The following TSNAX variants were observed in gnomAD, a reference collection of about 807,000 sequenced individuals.
TSNAX encodes translin associated factor X.
Under a neutral mutation model 33.0 loss-of-function variants are expected in TSNAX, and 12 were observed. The ratio of observed to expected loss-of-function variants is 0.36; its 90% CI spans 0.23 to 0.59. The LOEUF (loss-of-function observed/expected upper bound fraction) is 0.59, where lower values mean the gene tolerates loss of function less well. TSNAX is among the 20% of genes least tolerant of loss of function. The pLI, the probability that TSNAX is intolerant of heterozygous loss-of-function variation, is 0.74. For synonymous variants in TSNAX, 110 were observed against 117.2 expected (o/e 0.94, Z 0.40); for missense variants, 267 against 341.3 (o/e 0.78, Z 1.72).
At chr1:231,538,931 CAAA>C (rs548749042) in intron 3 of TSNAX, among the ~76,000 whole-genome samples, 5 of 62,188 alleles carry the variant, frequency 8.0e-5, no homozygotes, top group Admixed American at 3.7e-4. Flanking sequence ...GACCCTGTCT[CAAA>C]AAAAAAAAAA....
chr1:231,532,197 T>G (rs1209831623), intron 2 of TSNAX, among the ~76,000 whole-genome samples: 37 of 87,602 alleles, frequency 4.2e-4, no homozygotes, highest in Non-Finnish European at 6.5e-4. Context: ...GTTTTGGTTT[T>G]TTTTTTTTTT....
At chr1:231,546,594 T>C (rs562377131) in intron 4 of TSNAX, among the ~76,000 whole-genome samples, 1 of 152,326 alleles carries the variant, frequency 6.6e-6, no homozygotes, top group East Asian at 1.9e-4. Flanking sequence ...TGAATTTATC[T>C]GTTAATGAGT....
chr1:231,537,365 C>G (rs1244069929), intron 3 of TSNAX, 38 bp downstream of exon 3: 2 of 1,318,422 alleles, frequency 1.5e-6, no homozygotes, highest in South Asian at 1.2e-5. Flanking sequence ...CAGTTTGATA[C>G]TAGCTATTAG....
At chr1:231,556,955 T>C (rs1340428660) in intron 4 of TSNAX, among the ~76,000 whole-genome samples, 1 of 145,864 alleles carries the variant, frequency 6.9e-6, no homozygotes, top group East Asian at 2.0e-4. Context: ...GGAAGCTATT[T>C]GGGCTTTAAA....
At chr1:231,535,706 G>A (rs1476542811) in intron 2 of TSNAX, 1 of 152,172 alleles carries the variant, frequency 6.6e-6, no homozygotes, top group Non-Finnish European at 1.5e-5. Flanking sequence ...TCGAATACAG[G>A]TAAGGAGAAA....
rs556440716 is a variant in TSNAX, at chr1:231,562,225, T to A, written c.495+970T>A. On this transcript the variant is annotated intron_variant, in intron 5 of 5. Transcript: ENST00000366639. The stretch of plus-strand genomic sequence containing the variant: ...CTAAATATTAAATATTTAATTATTT[T>A]AAAAATTTTCTTTATTTTTTCTTTT... Among the ~76,000 whole-genome samples, 216 of 149,208 alleles carry A rather than the reference T, an allele frequency of 1.4e-3. 1 individual carries two copies. Among genetic ancestry groups the A allele is most frequent in the African/African-American group, 4.2e-3 (172 of 41,130 alleles).
At chr1:231,560,543 T>C (rs570942391) in intron 4 of TSNAX, among the ~76,000 whole-genome samples, 2 of 150,014 alleles carry the variant, frequency 1.3e-5, no homozygotes, top group South Asian at 4.3e-4. Flanking sequence ...GCCTCCCGAG[T>C]AGCTGGGATT....
chr1:231,549,949 A>G (rs770048708), intron 4 of TSNAX, among the ~76,000 whole-genome samples: 28 of 152,110 alleles, frequency 1.8e-4, no homozygotes, highest in Non-Finnish European at 3.2e-4. Flanking sequence ...GGCAAATTTG[A>G]TGTCCCCTGA....
chr1:231,555,244 CAT>C (rs1660613604), intron 4 of TSNAX, among the ~76,000 whole-genome samples: 1 of 152,146 alleles, frequency 6.6e-6, no homozygotes. Context: ...GAAATTCTGA[CAT>C]ATGTTACAAC....
intron 5 of TSNAX, among the ~76,000 whole-genome samples, chr1:231,564,016 G>C (rs201971512): frequency 5.3e-5 from 8 of 152,102 alleles, no homozygotes; most frequent in Non-Finnish European, 1.2e-4. Flanking sequence ...GGTAGGTGCA[G>C]TAGAAAATAT....
intron 5 of TSNAX, among the ~76,000 whole-genome samples, chr1:231,562,964 G>A (rs1030935935): frequency 1.3e-5 from 2 of 152,002 alleles, no homozygotes; most frequent in Non-Finnish European, 2.9e-5. Context: ...GATGTTTCTC[G>A]GACCTCATTT....
chr1:231,529,543 A>G (rs1658514314), intron 2 of TSNAX, among the ~76,000 whole-genome samples, 184 bp downstream of exon 2: 1 of 152,230 alleles, frequency 6.6e-6, no homozygotes, highest in Non-Finnish European at 1.5e-5. Flanking sequence ...CCATTAAGAG[A>G]AATATTAGTA....
intron 2 of TSNAX, among the ~76,000 whole-genome samples, chr1:231,533,297 C>G (rs921521787): frequency 6.6e-6 from 1 of 152,114 alleles, no homozygotes; most frequent in South Asian, 2.1e-4. Flanking sequence ...TGGGGTTTCA[C>G]TATATATTGG....
chr1:231,533,257 C>G (rs187924704), intron 2 of TSNAX, among the ~76,000 whole-genome samples: 99 of 152,222 alleles, frequency 6.5e-4, no homozygotes, highest in African/African-American at 2.2e-3. Context: ...TGCCACCATG[C>G]CCGGCTAATT....
intron 5 of TSNAX, chr1:231,563,637 T>A (rs1181139922): frequency 6.7e-6 from 1 of 149,956 alleles, no homozygotes; most frequent in African/African-American, 2.5e-5. Flanking sequence ...AAGGTAAAGA[T>A]GGGTGTGGAT....
At chr1:231,547,103 C>A (rs546896070) in intron 4 of TSNAX, among the ~76,000 whole-genome samples, 92 of 152,312 alleles carry the variant, frequency 6.0e-4, no homozygotes, top group Non-Finnish European at 1.0e-3. Flanking sequence ...ATAGAAAATT[C>A]AGGTATATGT....
intron 2 of TSNAX, among the ~76,000 whole-genome samples, chr1:231,531,769 A>C (rs1658734416): frequency 1.3e-5 from 2 of 152,142 alleles, no homozygotes; most frequent in South Asian, 4.1e-4. Context: ...GGGGCTGTGG[A>C]GTGAAAAGAC....
chr1:231,540,192 A>C (rs1004331743), intron 3 of TSNAX, among the ~76,000 whole-genome samples: 55 of 140,600 alleles, frequency 3.9e-4, no homozygotes, highest in Non-Finnish European at 8.0e-4. Context: ...AAAAAAAAAA[A>C]AAAAAACTTT....
At chr1:231,542,095 G>C (rs1232723972) in intron 3 of TSNAX, among the ~76,000 whole-genome samples, 1 of 152,044 alleles carries the variant, frequency 6.6e-6, no homozygotes, top group African/African-American at 2.4e-5. Context: ...CTTTCCCCAG[G>C]GATCACTGCT....
Sources: gnomAD v4.1 joint callset for allele counts (sites outside exome capture counted in the v4.1 genomes callset) on GRCh38, gnomAD v4.1.1 for gene constraint, MANE v1.5 for transcripts, NCBI Gene and HGNC (gene_info 2026-07-23, HGNC 2026-07-21) for gene names.